KIF1A: variants seen among roughly 807,000 people sequenced by gnomAD.
The protein encoded by KIF1A is kinesin family member 1A, also known as kinesin-like protein KIF1A.
In KIF1A, 46 loss-of-function variants were observed where a neutral mutation model predicts 227.3. The ratio of observed to expected loss-of-function variants is 0.20; its 90% CI spans 0.16 to 0.26. The LOEUF is 0.26. KIF1A is among the 10% of genes least tolerant of loss of function. The pLI is 1.00. For synonymous variants in KIF1A, 1,022 were observed against 1,012.8 expected (o/e 1.01, Z -0.17); for missense variants, 1,683 against 2,485.9 (o/e 0.68, Z 6.87).
At chr2:240,813,196 G>T (rs557061830) in intron 1 of KIF1A, among the ~76,000 whole-genome samples, 1 of 152,262 alleles carries the variant, frequency 6.6e-6, no homozygotes. Flanking sequence ...ACAACCGATT[G>T]TCATAGAGGA....
rs2125984776 is a variant in KIF1A at position 240,775,694 on chromosome 2, G to T, written c.958+157C>A. ...CCGTTGCCCCAGGTCCTCCAGAAGGGCCACGAACTGACTGGACCCTCCAGG... is the reference window on the plus strand; with the variant it reads ...CCGTTGCCCCAGGTCCTCCAGAAGGTCCACGAACTGACTGGACCCTCCAGG... On this transcript the variant is annotated intron_variant, in intron 11 of 48. Coordinates refer to ENST00000498729, the MANE Select transcript of KIF1A (RefSeq NM_001244008.2). This position sits in a 1 kb window ranked among gnomAD's most constrained non-coding sequence, Gnocchi z 5.5. Among the ~76,000 whole-genome samples, 1 of 152,298 alleles carries T rather than the reference G, an allele frequency of 6.6e-6. No homozygotes were observed. The highest frequency in any genetic ancestry group is 2.1e-4 in the South Asian group (1 of 4,828).
chr2:240,774,364 C>T (rs1405015710), intron 11 of KIF1A, 103 bp from the exon 12 acceptor site: 1 of 665,506 alleles, frequency 1.5e-6, no homozygotes, highest in Non-Finnish European at 2.6e-6. Context: ...GGCTGAGGCC[C>T]AGAGAGGTAA....
chr2:240,740,000 T>A lies in KIF1A; in HGVS notation c.3901+58A>T. ...GAACCCGGGTATCCAGCTCAGGGCC[T>A]GTACTCTTCCCACCAGCTCAGCCCC... On this transcript the variant is annotated intron_variant, in intron 37 of 48. Coordinates refer to ENST00000498729, the MANE Select transcript of KIF1A (RefSeq NM_001244008.2). This position sits in a 1 kb window ranked among gnomAD's most constrained non-coding sequence, Gnocchi z 5.6. The A allele has an allele frequency of 7.2e-7, 1 of 1,381,218 alleles. No homozygotes were observed. The allele number at this position is 1,381,218 out of a possible 1,614,324, so 85.6% of individuals were successfully genotyped here.
intron 10 of KIF1A, among the ~76,000 whole-genome samples, chr2:240,780,159 GT>G (rs2053446324): frequency 6.6e-6 from 1 of 151,852 alleles, no homozygotes; most frequent in African/African-American, 2.4e-5. Context: ...CTGACGCAGC[GT>G]TCACACGGTT....
chr2:240,792,520 G>A lies in KIF1A; in HGVS notation c.107-3208C>T, dbSNP rs544290053. Among the ~76,000 whole-genome samples the A allele has an allele frequency of 2.0e-5, 3 of 152,064 alleles. No individual in the cohort carries two copies. Among genetic ancestry groups the A allele is most frequent in the South Asian group, 2.1e-4 (1 of 4,808 alleles). On this transcript the variant is annotated intron_variant, in intron 2 of 48. Coordinates refer to ENST00000498729, the MANE Select transcript of KIF1A (RefSeq NM_001244008.2). The surrounding 1 kb of genome is among the most constrained non-coding windows in gnomAD (Gnocchi z 4.5). ...TGGACACCGAGACGACAGAGACAGC[G>A]GGGGGAGGGTTGGGGTGAGGAGTGG...
rs555854890 is a variant in KIF1A at position 240,755,853 on chromosome 2, G to C, written c.2858+1466C>G. 4.7e-4 allele frequency among the ~76,000 whole-genome samples: 71 copies of C among 152,278 alleles called. 1 individual carries two copies. The South Asian group carries it at 0.015, about 32-fold the overall frequency. On this transcript the variant is annotated intron_variant, in intron 27 of 48. Coordinates refer to ENST00000498729, the MANE Select transcript of KIF1A (RefSeq NM_001244008.2). ...CTCCTGGGGCCCAGGAGGTGCAGGG[G>C]GCCTGGCCCTACGGCCCGGGGCTTT...
upstream of KIF1A, among the ~76,000 whole-genome samples, chr2:240,821,039 T>A (rs1053546704): frequency 1.3e-5 from 2 of 152,148 alleles, no homozygotes; most frequent in Admixed American, 6.5e-5. Context: ...GGCTGACTGG[T>A]ATCTCTGTGC....
In KIF1A at chr2:240,715,863, T is replaced by C. The variant is rs1016646530; in HGVS notation, c.*1501A>G. The C allele has an allele frequency of 6.6e-6, 1 of 152,256 alleles. No individual in the cohort carries two copies. Among genetic ancestry groups the C allele is most frequent in the Non-Finnish European group, 1.5e-5 (1 of 68,048 alleles). The allele number at this position is 152,256 out of a possible 1,614,324, so 9.4% of individuals were successfully genotyped here. A position where few individuals can be genotyped will look rare whatever the true frequency, so the allele number is the denominator to read the frequency against. On this transcript the variant is annotated 3_prime_UTR_variant, in exon 49 of 49. Coordinates refer to ENST00000498729, the MANE Select transcript of KIF1A (RefSeq NM_001244008.2). Reference sequence around the variant, plus strand: ...CCTAGGTCTGGAGCACCAGACCCGATGTAACTGCTCCCACGGGCCACGGCG... The same window carrying C: ...CCTAGGTCTGGAGCACCAGACCCGACGTAACTGCTCCCACGGGCCACGGCG...
At position 240,739,828 on chromosome 2, in the gene KIF1A, C is replaced by T. The variant is rs1324607081; in HGVS notation, c.3901+230G>A. 6.6e-6 allele frequency among the ~76,000 whole-genome samples: 1 copy of T among 152,150 alleles called. No homozygotes were observed. Among genetic ancestry groups the T allele is most frequent in the African/African-American group, 2.4e-5 (1 of 41,420 alleles). The stretch of plus-strand genomic sequence containing the variant: ...GGTTTGTGGTATTTTGTCATGGCAG[C>T]CCCAGAACTCCAATACACTGATTAA... On this transcript the variant is annotated intron_variant, in intron 37 of 48. Coordinates refer to ENST00000498729, the MANE Select transcript of KIF1A (RefSeq NM_001244008.2). This position sits in a 1 kb window ranked among gnomAD's most constrained non-coding sequence, Gnocchi z 5.6.
In KIF1A at chr2:240,775,843, G is replaced by T. The variant is rs756630160; in HGVS notation, c.958+8C>A. The T allele has an allele frequency of 1.9e-6, 3 of 1,591,482 alleles. No individual in the cohort carries two copies. The highest frequency in any genetic ancestry group is 1.3e-5 in the African/African-American group (1 of 74,458). ...GCCCTGGGGACAGGCAAACCCACAA[G>T]TTCTCACCCAGGTTTTCCCGGAGGA... On this transcript the variant is annotated splice_region_variant and intron_variant, in intron 11 of 48. Transcript: ENST00000498729. This position sits in a 1 kb window ranked among gnomAD's most constrained non-coding sequence, Gnocchi z 5.5.
chr2:240,767,238 C>A (rs1202131924), intron 18 of KIF1A, 28 bp downstream of exon 18: 1 of 1,581,962 alleles, frequency 6.3e-7, no homozygotes, highest in African/African-American at 1.3e-5. Flanking sequence ...CCTGGCCAGG[C>A]TGGAGTGGCT....
chr2:240,796,698 TGATTAGCCACA>T (rs1205540836), intron 2 of KIF1A, among the ~76,000 whole-genome samples: 1 of 152,080 alleles, frequency 6.6e-6, no homozygotes, highest in African/African-American at 2.4e-5. Flanking sequence ...CACTGCACCA[TGATTAGCCACA>T]GAGCTCCACG....
chr2:240,754,221 A>G (rs1344827605), intron 27 of KIF1A, among the ~76,000 whole-genome samples: 1 of 152,154 alleles, frequency 6.6e-6, no homozygotes, highest in Admixed American at 6.5e-5. Flanking sequence ...TATACAATGA[A>G]AAGGACCCCG....
chr2:240,725,496 C>G lies in KIF1A; in HGVS notation c.4123-92G>C. On this transcript the variant is annotated intron_variant, in intron 39 of 48. Coordinates refer to ENST00000498729, the MANE Select transcript of KIF1A (RefSeq NM_001244008.2). The surrounding 1 kb of genome is among the most constrained non-coding windows in gnomAD (Gnocchi z 5.8). ...TCTCCTGGGGGCACAATGCCCAGCA[C>G]CGACAGGCAGCCCCAGGGCCTTCCC... The G allele has an allele frequency of 7.0e-7, 1 of 1,436,250 alleles. No homozygotes were observed. Among genetic ancestry groups the G allele is most frequent in the Non-Finnish European group, 9.5e-7 (1 of 1,051,710 alleles). 89.0% of individuals were successfully genotyped at this position (1,436,250 alleles called of 1,614,324 possible).
intron 19 of KIF1A, 74 bp from the exon 20 acceptor site, chr2:240,765,867 C>A (rs1298695682): frequency 9.1e-7 from 1 of 1,100,086 alleles, no homozygotes; most frequent in Non-Finnish European, 1.4e-6. Flanking sequence ...GCTTACCTGG[C>A]CCCCGGGCAT....
intron 1 of KIF1A, among the ~76,000 whole-genome samples, chr2:240,811,143 C>A (rs1172289485): frequency 6.6e-6 from 1 of 152,164 alleles, no homozygotes. Context: ...GGGCAGATCA[C>A]TTGAGGTCAG....
intron 27 of KIF1A, among the ~76,000 whole-genome samples, chr2:240,754,919 G>A (rs1421513427): frequency 2.0e-5 from 3 of 152,146 alleles, no homozygotes; most frequent in African/African-American, 7.2e-5. Flanking sequence ...CCCTCGAGCT[G>A]GAGCAACGTT....
At chr2:240,745,552 G>A in intron 31 of KIF1A, 35 bp from the exon 32 acceptor site, 1 of 1,568,394 alleles carries the variant, frequency 6.4e-7, no homozygotes, top group Non-Finnish European at 8.7e-7. Context: ...GTGTGGGGTG[G>A]GGGACTTGGG....
At chr2:240,749,671 C>G (rs973592637) in intron 28 of KIF1A, among the ~76,000 whole-genome samples, 2 of 152,052 alleles carry the variant, frequency 1.3e-5, no homozygotes, top group South Asian at 2.1e-4. Context: ...TCTCAAGTAC[C>G]CTTCAACATT....
Sources: allele counts gnomAD v4.1 joint callset (sites outside exome capture counted in the v4.1 genomes callset), GRCh38; gene constraint gnomAD v4.1.1; non-coding constraint Gnocchi (gnomAD v3.1); transcripts MANE v1.5; gene names NCBI Gene and HGNC (gene_info 2026-07-23, HGNC 2026-07-21).